Variants in CCDC92 observed in about 807,000 individuals in gnomAD.
CCDC92 encodes the protein coiled-coil domain containing 92.
Under a neutral mutation model 24.9 loss-of-function variants are expected in CCDC92, and 12 were observed. That is an observed-to-expected ratio of 0.48 (90% CI 0.31 to 0.78). CCDC92 has a LOEUF of 0.78. Ranked by LOEUF, CCDC92 falls within the 30% of genes least tolerant of loss-of-function variation. The pLI is 0.05. For missense variants in CCDC92, 399 were observed against 439.4 expected (o/e 0.91, Z 0.82); for synonymous variants, 193 against 196.3 (o/e 0.98, Z 0.14).
At chr12:123,943,636 G>A in intron 2 of CCDC92, 143 bp from the exon 3 acceptor site, 1 of 844,270 alleles carries the variant, frequency 1.2e-6, no homozygotes, top group Non-Finnish European at 1.9e-6. Context: ...AGGGTGTGGG[G>A]GCACCAGGGC....
intron 1 of CCDC92, among the ~76,000 whole-genome samples, chr12:123,952,701 A>G (rs1956056562): frequency 6.6e-6 from 1 of 152,238 alleles, no homozygotes; most frequent in South Asian, 2.1e-4. Context: ...ATAAAAACGG[A>G]CAACATTTCA....
intron 1 of CCDC92, chr12:123,971,307 C>T (rs184440688): frequency 6.6e-6 from 1 of 151,150 alleles, no homozygotes; most frequent in African/African-American, 2.4e-5. Flanking sequence ...AACAGTTAGC[C>T]AAAAGAATTA....
chr12:123,958,049 T>C lies in CCDC92; in HGVS notation c.-59-13685A>G, dbSNP rs142154031. Among the ~76,000 whole-genome samples the C allele has an allele frequency of 4.6e-4, 70 of 151,940 alleles. 1 individual carries two copies. The highest frequency in any genetic ancestry group is 3.4e-3 in the Middle Eastern group (1 of 294). On this transcript the variant is annotated intron_variant, in intron 1 of 4. Transcript: ENST00000238156. ...TGCAAGGTAGGTATGATTATACTCA[T>C]TTTTTATTTTATTTTATTTTAGAGA... is the stretch of plus-strand genomic sequence containing the variant.
At chr12:123,971,290 T>A (rs1272369328) in intron 1 of CCDC92, among the ~76,000 whole-genome samples, 2 of 152,070 alleles carry the variant, frequency 1.3e-5, no homozygotes. Context: ...ATATTTCACA[T>A]AAGATGAACA....
Position 123,952,479 on chromosome 12 carries a change from T to C in CCDC92, c.-59-8115A>G, listed in dbSNP as rs543450737. ...CTTCACGAGGCTAAAAAATGGTCCA[T>C]GGCTAATTAGGCCATCAACTCTCAA... On this transcript the variant is annotated intron_variant, in intron 1 of 4. Coordinates refer to ENST00000238156, the MANE Select transcript of CCDC92 (RefSeq NM_025140.3). Among the ~76,000 whole-genome samples the C allele has an allele frequency of 8.7e-4, 132 of 152,362 alleles. 1 individual carries two copies. Among genetic ancestry groups the C allele is most frequent in the Non-Finnish European group, 1.5e-3 (100 of 68,028 alleles).
At chr12:123,949,489 G>A (rs1955968493) in intron 1 of CCDC92, among the ~76,000 whole-genome samples, 1 of 152,186 alleles carries the variant, frequency 6.6e-6, no homozygotes, top group Non-Finnish European at 1.5e-5. Flanking sequence ...GCCTGGTCAC[G>A]GCTGCCAGAG....
In CCDC92 at chr12:123,937,019, C is replaced by T. The variant is rs747900127; in HGVS notation, c.*39G>A. On this transcript the variant is annotated 3_prime_UTR_variant, in exon 5 of 5. Coordinates refer to ENST00000238156, the MANE Select transcript of CCDC92 (RefSeq NM_025140.3). This position sits in a 1 kb window ranked among gnomAD's most constrained non-coding sequence, Gnocchi z 8.4. ...GTGGCTGAGATTTCCCAGTGGTGCT[C>T]ACAGTGCATGGACAGCGCGGGGTGG... 6 of 1,608,034 alleles carry T rather than the reference C, an allele frequency of 3.7e-6. No individual in the cohort carries two copies. The Admixed American group carries it at 5.1e-5, about 14-fold the overall frequency.
intron 1 of CCDC92, among the ~76,000 whole-genome samples, chr12:123,965,924 G>T (rs563952132): frequency 6.6e-6 from 1 of 152,190 alleles, no homozygotes; most frequent in Admixed American, 6.5e-5. Flanking sequence ...GCTTATCTAC[G>T]GATGGGGCTG....
At chr12:123,944,225 G>T in intron 2 of CCDC92, 47 bp downstream of exon 2, 2 of 1,260,284 alleles carry the variant, frequency 1.6e-6, no homozygotes, top group Non-Finnish European at 2.3e-6. Flanking sequence ...GCCCCTCCCA[G>T]CCCCAGCTTC....
chr12:123,959,131 CACGTA>C, intron 1 of CCDC92, among the ~76,000 whole-genome samples: 1 of 152,312 alleles, frequency 6.6e-6, no homozygotes, highest in East Asian at 1.9e-4. Flanking sequence ...GGGCAAGTCA[CACGTA>C]ACTCCCGTGC....
intron 1 of CCDC92, chr12:123,970,283 T>C (rs757243191): frequency 6.6e-6 from 1 of 152,190 alleles, no homozygotes; most frequent in African/African-American, 2.4e-5. Flanking sequence ...TACCTCCTAA[T>C]AGCCATTCAC....
At chr12:123,971,388 T>C (rs1956528695) in intron 1 of CCDC92, 1 of 139,646 alleles carries the variant, frequency 7.2e-6, no homozygotes, top group Admixed American at 7.2e-5. Context: ...TACAATGCAA[T>C]AGCGAGAAAA....
intron 1 of CCDC92, among the ~76,000 whole-genome samples, chr12:123,952,066 A>G (rs527340314): frequency 6.6e-6 from 1 of 152,330 alleles, no homozygotes; most frequent in South Asian, 2.1e-4. Flanking sequence ...TTGTCACCTA[A>G]GTCATTGTGA....
chr12:123,948,676 G>A (rs940832503), intron 1 of CCDC92, among the ~76,000 whole-genome samples: 6 of 152,196 alleles, frequency 3.9e-5, no homozygotes, highest in African/African-American at 1.4e-4. Context: ...ACATGGAGAC[G>A]CCATCTGTGC....
chr12:123,953,639 G>A (rs540019606), intron 1 of CCDC92, among the ~76,000 whole-genome samples: 16 of 152,308 alleles, frequency 1.1e-4, no homozygotes, highest in Non-Finnish European at 1.6e-4. Context: ...TTAGCTGGGC[G>A]TGGTGGCACA....
intron 1 of CCDC92, among the ~76,000 whole-genome samples, chr12:123,955,891 T>A (rs540865921): frequency 1.3e-5 from 2 of 152,216 alleles, no homozygotes; most frequent in African/African-American, 4.8e-5. Flanking sequence ...CTGCCACTTA[T>A]AAAGAGACGT....
At chr12:123,950,819 C>A (rs992732558) in intron 1 of CCDC92, among the ~76,000 whole-genome samples, 2 of 152,232 alleles carry the variant, frequency 1.3e-5, no homozygotes, top group African/African-American at 2.4e-5. Flanking sequence ...TTTAGTGTCT[C>A]TCCTGTGTGC....
intron 3 of CCDC92, 127 bp from the exon 4 acceptor site, chr12:123,942,912 A>G (rs1179458381): frequency 2.6e-6 from 2 of 779,270 alleles, no homozygotes; most frequent in Admixed American, 1.9e-5. Flanking sequence ...AGGGTTTGGC[A>G]GCAGGAGAGG....
At chr12:123,967,436 T>G (rs879535240) in intron 1 of CCDC92, among the ~76,000 whole-genome samples, 1 of 152,218 alleles carries the variant, frequency 6.6e-6, no homozygotes, top group Non-Finnish European at 1.5e-5. Flanking sequence ...TTTTAAAAAG[T>G]GTATCTGCTC....
Sources: allele counts gnomAD v4.1 joint callset (sites outside exome capture counted in the v4.1 genomes callset), GRCh38; gene constraint gnomAD v4.1.1; non-coding constraint Gnocchi (gnomAD v3.1); transcripts MANE v1.5; gene names NCBI Gene and HGNC (gene_info 2026-07-23, HGNC 2026-07-21).